ZNF503: variants seen among roughly 807,000 people sequenced by gnomAD.
The protein encoded by ZNF503 is zinc finger protein 503.
ZNF503 carries 15 observed loss-of-function variants against 34.4 expected under a neutral mutation model. The observed-to-expected ratio is 0.44, with a 90% CI of 0.29 to 0.67. The LOEUF (loss-of-function observed/expected upper bound fraction) is 0.67. Ranked by LOEUF, ZNF503 falls within the 30% of genes least tolerant of loss-of-function variation. The pLI, the probability that ZNF503 is intolerant of heterozygous loss-of-function variation, is 0.13. For synonymous variants in ZNF503, 580 were observed against 456.8 expected, an observed-to-expected ratio of 1.27 and a Z score of -3.44; for missense variants, 1,007 against 926.8, an observed-to-expected ratio of 1.09 and a Z score of -1.12.
chr10:75,348,604 C>T, the ZNF503 span, among the ~76,000 whole-genome samples: 1 of 149,918 alleles, frequency 6.7e-6, no homozygotes, highest in African/African-American at 2.5e-5. Context: ...CTCTGCCTCC[C>T]GGGTTCACAC....
the ZNF503 span, among the ~76,000 whole-genome samples, chr10:75,290,510 T>A: frequency 1.3e-5 from 2 of 152,198 alleles, no homozygotes; most frequent in Non-Finnish European, 2.9e-5. Flanking sequence ...AATCACTTAG[T>A]GTCACTTCTG....
At chr10:75,340,032 C>G in the ZNF503 span, among the ~76,000 whole-genome samples, 1 of 151,394 alleles carries the variant, frequency 6.6e-6, no homozygotes, top group Non-Finnish European at 1.5e-5. Flanking sequence ...CTGGGCAACA[C>G]GGCAAAACCC....
downstream of ZNF503, among the ~76,000 whole-genome samples, chr10:75,393,877 CAAAAAGAAAAAAGA>C (rs559087668): frequency 6.6e-6 from 1 of 151,670 alleles, no homozygotes; most frequent in African/African-American, 2.4e-5. Context: ...TAAAATAAAA[CAAAAAGAAAAAAGA>C]AAAAAGAAAA....
At position 75,399,032 on chromosome 10, in the gene ZNF503, G is replaced by C; in HGVS notation, c.1658C>G (p.Ser553Trp). The C allele has an allele frequency of 4.3e-6, 7 of 1,611,540 alleles. No homozygotes were observed. The highest frequency in any genetic ancestry group is 5.9e-6 in the Non-Finnish European group (7 of 1,179,736). The change falls in exon 2 of 2, where the codon TCG becomes TGG. Residue 553 changes from serine (S) to tryptophan (W), a missense_variant. By Grantham distance (177) the Ser-to-Trp change is radical (BLOSUM62 -3). Transcript: ENST00000372524. ...CAGAGACGACGAGCTGGGGTAGCCC[G>C]ACAGCAGTTTGTCTGTCCCGGGAAA... ...TAFPGTDKLL[S>W]GYPSSSSLAS...
chr10:75,390,317 ATTC>A, the ZNF503 span, among the ~76,000 whole-genome samples: 82 of 147,640 alleles, frequency 5.6e-4, no homozygotes, highest in African/African-American at 7.8e-4. Flanking sequence ...TCCCAATATA[ATTC>A]TTCTTCCTCT....
chr10:75,373,732 G>A, the ZNF503 span, among the ~76,000 whole-genome samples: 2 of 152,310 alleles, frequency 1.3e-5, no homozygotes, highest in South Asian at 4.1e-4. Context: ...AACAAGGAGA[G>A]GAATTTCCTA....
chr10:75,354,450 C>T, the ZNF503 span, among the ~76,000 whole-genome samples: 1 of 152,136 alleles, frequency 6.6e-6, no homozygotes, highest in Non-Finnish European at 1.5e-5. Flanking sequence ...TGGTAGGTCA[C>T]GCCTATAATC....
chr10:75,395,488 C>T (rs925951052), downstream of ZNF503, among the ~76,000 whole-genome samples: 1 of 152,110 alleles, frequency 6.6e-6, no homozygotes, highest in Non-Finnish European at 1.5e-5. The surrounding 1 kb of genome is among the most constrained non-coding windows in gnomAD (Gnocchi z 4.4). Context: ...CTCTGCAGCG[C>T]CGCCTGGTGG....
At chr10:75,362,943 C>T in the ZNF503 span, among the ~76,000 whole-genome samples, 19 of 152,174 alleles carry the variant, frequency 1.2e-4, no homozygotes, top group Non-Finnish European at 2.1e-4. Flanking sequence ...CTTCTACCCC[C>T]ACCCCAGCCT....
the ZNF503 span, among the ~76,000 whole-genome samples, chr10:75,319,789 A>G: frequency 6.6e-6 from 1 of 152,356 alleles, no homozygotes; most frequent in South Asian, 2.1e-4. Flanking sequence ...GTAAAAGGCT[A>G]GAAAATGATG....
In ZNF503 at chr10:75,399,628, G is replaced by C. The variant is rs1329132807; in HGVS notation, c.1062C>G (p.Pro354=). 1 of 1,598,474 alleles carries C rather than the reference G, an allele frequency of 6.3e-7. No homozygotes were observed. The highest frequency in any genetic ancestry group is 1.3e-5 in the African/African-American group (1 of 74,884). The change falls in exon 2 of 2, where the codon CCC becomes CCG. Residue 354 remains proline (P), a synonymous_variant. Coordinates refer to ENST00000372524, the MANE Select transcript of ZNF503 (RefSeq NM_032772.6). The part of the protein sequence containing the change: ...KPGQTVFPLP[P]AGMTYPGSLA... ...GGCTGCCTGGGTAGGTCATACCCGC[G>C]GGAGGCAGAGGGAACACTGTCTGGC... is the stretch of plus-strand genomic sequence containing the variant.
chr10:75,390,397 C>T, the ZNF503 span, among the ~76,000 whole-genome samples: 1 of 150,526 alleles, frequency 6.6e-6, no homozygotes, highest in East Asian at 1.9e-4. Context: ...CTTCCTCCCC[C>T]TCCTCCTCTT....
the ZNF503 span, among the ~76,000 whole-genome samples, chr10:75,312,239 T>A: frequency 6.6e-6 from 1 of 151,806 alleles, no homozygotes; most frequent in South Asian, 2.1e-4. Context: ...CTGAAACAAA[T>A]GACAAACTAG....
the ZNF503 span, among the ~76,000 whole-genome samples, chr10:75,295,139 G>A: frequency 6.6e-6 from 1 of 151,868 alleles, no homozygotes; most frequent in Non-Finnish European, 1.5e-5. This position sits in a 1 kb window ranked among gnomAD's most constrained non-coding sequence, Gnocchi z 4.0. Context: ...GCGGGCTCCG[G>A]GCCCTTCCTG....
In ZNF503 at chr10:75,401,492, C is replaced by T. The variant is rs1030892401; in HGVS notation, c.-73G>A. Reference sequence around the variant, plus strand: ...CGCGGGGCGGGCTCGGGGCTGCGCGCTCGCCCCGGGAGCAGGAGCAGCGGG... The same window carrying T: ...CGCGGGGCGGGCTCGGGGCTGCGCGTTCGCCCCGGGAGCAGGAGCAGCGGG... On this transcript the variant is annotated 5_prime_UTR_variant, in exon 1 of 2. Transcript: ENST00000372524. 3.6e-5 allele frequency: 53 copies of T among 1,466,424 alleles called. No homozygotes were observed. The highest frequency in any genetic ancestry group is 5.0e-5 in the Admixed American group (2 of 40,202). The allele number at this position is 1,466,424 out of a possible 1,614,324, so 90.8% of individuals were successfully genotyped here. A position where few individuals can be genotyped will look rare whatever the true frequency, so the allele number is the denominator to read the frequency against.
the ZNF503 span, among the ~76,000 whole-genome samples, chr10:75,387,389 T>G: frequency 6.6e-6 from 1 of 152,254 alleles, no homozygotes; most frequent in Non-Finnish European, 1.5e-5. Context: ...TTAACCTCTC[T>G]GAGTCTCAGT....
chr10:75,331,953 A>G, the ZNF503 span, among the ~76,000 whole-genome samples: 1 of 152,014 alleles, frequency 6.6e-6, no homozygotes, highest in South Asian at 2.1e-4. Flanking sequence ...TTTTTGACTT[A>G]AAGTTTGTTT....
chr10:75,391,024 C>G, the ZNF503 span, among the ~76,000 whole-genome samples: 1 of 152,166 alleles, frequency 6.6e-6, no homozygotes, highest in Non-Finnish European at 1.5e-5. Context: ...CACAAATCCT[C>G]CCAGATTAGG....
the ZNF503 span, among the ~76,000 whole-genome samples, chr10:75,377,518 T>C: frequency 1.9e-4 from 29 of 152,268 alleles, no homozygotes; most frequent in South Asian, 5.6e-3. Context: ...GACACATGCA[T>C]GGGGTGTCTG....
Sources: allele counts gnomAD v4.1 joint callset (sites outside exome capture counted in the v4.1 genomes callset), GRCh38; gene constraint gnomAD v4.1.1; non-coding constraint Gnocchi (gnomAD v3.1); transcripts MANE v1.5; gene names NCBI Gene and HGNC (gene_info 2026-07-23, HGNC 2026-07-21).